The following LMNB1 variants were observed in gnomAD, a reference collection of about 807,000 sequenced individuals.
LMNB1 encodes lamin-B1.
Under a neutral mutation model 67.1 loss-of-function variants are expected in LMNB1, and 23 were observed. The ratio of observed to expected loss-of-function variants is 0.34; its 90% CI spans 0.25 to 0.49. The LOEUF (loss-of-function observed/expected upper bound fraction) is 0.49. Ranked by LOEUF, LMNB1 falls within the 20% of genes least tolerant of loss-of-function variation. LMNB1 has a pLI of 0.99. For missense variants in LMNB1, 634 were observed against 746.5 expected (o/e 0.85, Z 1.76); for synonymous variants, 281 against 282.9 (o/e 0.99, Z 0.07).
chr5:126,786,394 T>G (rs1442648166), intron 1 of LMNB1, among the ~76,000 whole-genome samples: 4 of 152,138 alleles, frequency 2.6e-5, no homozygotes, highest in African/African-American at 4.8e-5. Context: ...GTGCTGGGAT[T>G]ACAGGCGTGA....
chr5:126,825,554 G>C (rs1160558741), intron 8 of LMNB1, among the ~76,000 whole-genome samples: 1 of 152,150 alleles, frequency 6.6e-6, no homozygotes, highest in Non-Finnish European at 1.5e-5. Context: ...TGGAAGGATG[G>C]CCTATAAAAC....
At chr5:126,812,718 CT>C (rs11430160) in intron 5 of LMNB1, among the ~76,000 whole-genome samples, 6,193 of 116,502 alleles carry the variant, frequency 0.053, 43 homozygotes, top group African/African-American at 0.058. Flanking sequence ...CTTTATTTTA[CT>C]TTTTTTTTTT....
intron 1 of LMNB1, among the ~76,000 whole-genome samples, chr5:126,789,010 C>T (rs992216879): frequency 6.6e-6 from 1 of 151,874 alleles, no homozygotes; most frequent in Admixed American, 6.6e-5. Flanking sequence ...ATCCTCCCAC[C>T]TCAGCCTCTG....
chr5:126,790,098 C>T (rs1750913983), intron 1 of LMNB1, among the ~76,000 whole-genome samples: 1 of 152,096 alleles, frequency 6.6e-6, no homozygotes, highest in African/African-American at 2.4e-5. Flanking sequence ...GCCACTGAGC[C>T]CGGCCTTATT....
At chr5:126,807,536 T>C (rs1249407692) in intron 3 of LMNB1, among the ~76,000 whole-genome samples, 5 of 152,234 alleles carry the variant, frequency 3.3e-5, no homozygotes, top group African/African-American at 1.2e-4. Flanking sequence ...TGGAATACTG[T>C]GTGTGAAAAC....
In LMNB1 at chr5:126,777,523, C is replaced by A; in HGVS notation, c.15C>A (p.Thr5=). The A allele has an allele frequency of 7.2e-7, 1 of 1,383,390 alleles. No individual in the cohort carries two copies. The highest frequency in any genetic ancestry group is 9.4e-7 in the Non-Finnish European group (1 of 1,068,264). The allele number at this position is 1,383,390 out of a possible 1,614,324, so 85.7% of individuals were successfully genotyped here. MATA[T]PVPPRMGSRA... ...CGCCGCCCGCCATGGCGACTGCGAC[C>A]CCCGTGCCGCCGCGGATGGGCAGCC... is the stretch of plus-strand genomic sequence containing the variant. The change falls in exon 1 of 11, where the codon ACC becomes ACA. Residue 5 remains threonine, a synonymous_variant. Coordinates refer to ENST00000261366, the MANE Select transcript of LMNB1 (RefSeq NM_005573.4).
intron 8 of LMNB1, 98 bp downstream of exon 8, chr5:126,822,983 G>T: frequency 1.4e-6 from 1 of 718,754 alleles, no homozygotes; most frequent in Non-Finnish European, 2.4e-6. Context: ...TTTTAGAAAT[G>T]GCCGTTAAAG....
intron 4 of LMNB1, 135 bp downstream of exon 4, chr5:126,810,485 A>C: frequency 1.5e-6 from 1 of 680,176 alleles, no homozygotes; most frequent in Non-Finnish European, 2.2e-6. Flanking sequence ...ATATATAGAA[A>C]ATTGATTTTT....
intron 5 of LMNB1, among the ~76,000 whole-genome samples, chr5:126,817,203 G>A (rs1430354309): frequency 6.6e-6 from 1 of 152,174 alleles, no homozygotes; most frequent in Non-Finnish European, 1.5e-5. Context: ...GCCACTGGGA[G>A]TTCTGTCAGC....
At chr5:126,781,936 CA>C (rs1197003084) in intron 1 of LMNB1, among the ~76,000 whole-genome samples, 9 of 152,118 alleles carry the variant, frequency 5.9e-5, no homozygotes, top group African/African-American at 2.2e-4. Context: ...CAACAGTTTC[CA>C]TGCAGGTGGT....
rs1164171726 is a variant in LMNB1, at chr5:126,836,304, A to G, written c.*40A>G. 4 of 1,395,536 alleles carry G rather than the reference A, an allele frequency of 2.9e-6. No homozygotes were observed. The highest frequency in any genetic ancestry group is 3.1e-6 in the Non-Finnish European group (3 of 981,412). 86.4% of individuals were successfully genotyped at this position (1,395,536 alleles called of 1,614,324 possible). On this transcript the variant is annotated 3_prime_UTR_variant, in exon 11 of 11. Coordinates refer to ENST00000261366, the MANE Select transcript of LMNB1 (RefSeq NM_005573.4). ...TTCCTCAAAATAAAGAAGTATGGTA[A>G]TCTTTACCTGTATACAGTGCAGAGC... is the stretch of plus-strand genomic sequence containing the variant.
chr5:126,799,302 G>A (rs769128349), intron 1 of LMNB1, among the ~76,000 whole-genome samples: 16 of 152,124 alleles, frequency 1.1e-4, no homozygotes, highest in Non-Finnish European at 2.1e-4. Context: ...GTGAGCCACC[G>A]CGCCCGGCCG....
chr5:126,810,080 G>A, intron 3 of LMNB1, 100 bp from the exon 4 acceptor site: 3 of 1,108,860 alleles, frequency 2.7e-6, no homozygotes, highest in South Asian at 3.6e-5. Context: ...ACAGGAGGAA[G>A]TTCGTGTGTA....
intron 1 of LMNB1, among the ~76,000 whole-genome samples, chr5:126,787,991 A>G (rs1750851925): frequency 6.6e-6 from 1 of 152,120 alleles, no homozygotes; most frequent in East Asian, 1.9e-4. Flanking sequence ...GAGGAGAGGT[A>G]CAAACACTAG....
intron 1 of LMNB1, among the ~76,000 whole-genome samples, chr5:126,798,843 G>A (rs1049217887): frequency 1.3e-5 from 2 of 151,832 alleles, no homozygotes; most frequent in African/African-American, 4.8e-5. Context: ...TGCAGAAGAT[G>A]TAGGAATAAT....
At chr5:126,794,897 G>T (rs777287180) in intron 1 of LMNB1, among the ~76,000 whole-genome samples, 6 of 152,160 alleles carry the variant, frequency 3.9e-5, no homozygotes, top group Non-Finnish European at 7.3e-5. Flanking sequence ...GAGGTGAAAT[G>T]TTAGGGATAG....
At chr5:126,778,553 C>G (rs1316478115) in intron 1 of LMNB1, among the ~76,000 whole-genome samples, 1 of 152,192 alleles carries the variant, frequency 6.6e-6, no homozygotes, top group Non-Finnish European at 1.5e-5. Flanking sequence ...GTTAGGTTTG[C>G]TAGCTGGTTA....
Position 126,777,257 on chromosome 5 carries a change from G to A in LMNB1, c.-252G>A, listed in dbSNP as rs1397407197. 41 of 360,322 alleles carry A rather than the reference G, an allele frequency of 1.1e-4. No individual in the cohort carries two copies. The highest frequency in any genetic ancestry group is 1.5e-5 in the Non-Finnish European group (3 of 203,230). The allele number at this position is 360,322 out of a possible 1,614,324, so 22.3% of individuals were successfully genotyped here. A position where few individuals can be genotyped will look rare whatever the true frequency, so the allele number is the denominator to read the frequency against. On this transcript the variant is annotated 5_prime_UTR_variant, in exon 1 of 11. The change creates a new upstream start codon in the 5' untranslated region. Transcript: ENST00000261366. ...CCCGCGTGCGTGTGTGAGTGGGTGT[G>A]TGTGTTTTCTTACAAAGGGTATTTC...
rs980267777 is a variant in LMNB1, at chr5:126,777,261, G to A, written c.-248G>A. The stretch of plus-strand genomic sequence containing the variant: ...CGTGCGTGTGTGAGTGGGTGTGTGT[G>A]TTTTCTTACAAAGGGTATTTCGCGA... On this transcript the variant is annotated 5_prime_UTR_variant, in exon 1 of 11. Transcript: ENST00000261366. 8.2e-6 allele frequency: 3 copies of A among 364,570 alleles called. No individual in the cohort carries two copies. The highest frequency in any genetic ancestry group is 1.5e-5 in the Non-Finnish European group (3 of 206,282). The allele number at this position is 364,570 out of a possible 1,614,324, so 22.6% of individuals were successfully genotyped here. A position where few individuals can be genotyped will look rare whatever the true frequency, so the allele number is the denominator to read the frequency against.
Sources: allele counts gnomAD v4.1 joint callset (sites outside exome capture counted in the v4.1 genomes callset), GRCh38; gene constraint gnomAD v4.1.1; transcripts MANE v1.5; gene names NCBI Gene and HGNC (gene_info 2026-07-23, HGNC 2026-07-21).